Variants in PDE7B observed in about 807,000 individuals in gnomAD.
The protein encoded by PDE7B is phosphodiesterase 7B, also known as 3',5'-cyclic-AMP phosphodiesterase 7B.
Under a neutral mutation model 56.2 loss-of-function variants are expected in PDE7B, and 29 were observed. The observed-to-expected ratio is 0.52, with a 90% CI of 0.38 to 0.70. The LOEUF (loss-of-function observed/expected upper bound fraction) is 0.70. Ranked by LOEUF, PDE7B falls within the 30% of genes least tolerant of loss-of-function variation. PDE7B has a pLI of 0.00. For missense variants in PDE7B, 490 were observed against 565.0 expected, an observed-to-expected ratio of 0.87 and a Z score of 1.35; for synonymous variants, 197 against 196.9, an observed-to-expected ratio of 1.00 and a Z score of 0.00.
At chr6:135,870,216 A>G (rs1775350352) in intron 1 of PDE7B, among the ~76,000 whole-genome samples, 1 of 152,152 alleles carries the variant, frequency 6.6e-6, no homozygotes, top group African/African-American at 2.4e-5. Context: ...TACTATAGGA[A>G]TATAGGACCA....
At chr6:136,007,946 T>G (rs1373871508) in intron 2 of PDE7B, among the ~76,000 whole-genome samples, 1 of 152,054 alleles carries the variant, frequency 6.6e-6, no homozygotes, top group Non-Finnish European at 1.5e-5. Flanking sequence ...ACTCGTCATT[T>G]AACATTAGGT....
intron 2 of PDE7B, among the ~76,000 whole-genome samples, chr6:136,029,934 T>A (rs966391727): frequency 6.6e-6 from 1 of 152,200 alleles, no homozygotes; most frequent in African/African-American, 2.4e-5. Flanking sequence ...TACTACATGT[T>A]AAATGGCCAC....
intron 3 of PDE7B, among the ~76,000 whole-genome samples, chr6:136,118,068 T>G (rs575680079): frequency 1.3e-5 from 2 of 152,348 alleles, no homozygotes; most frequent in East Asian, 3.9e-4. Flanking sequence ...GAGATAAATG[T>G]GTCCAGAAGC....
rs779450231 is a variant in PDE7B, at chr6:136,191,631, G to A, written c.1144G>A (p.Val382Met). 16 of 1,613,852 alleles carry A rather than the reference G, an allele frequency of 9.9e-6. 1 individual carries two copies. In the South Asian group the frequency reaches 1.5e-4, roughly 16 times the overall value. The change falls in exon 13 of 13, where the codon GTG becomes ATG. Residue 382 changes from valine to methionine, a missense_variant. By Grantham distance (21) the Val-to-Met change is conservative (BLOSUM62 1). Transcript: ENST00000308191. The part of the protein sequence containing the change: ...SIQIGFMSYI[V>M]EPLFREWAHF... ...TGTTCTAGGTTTCATGAGCTACATC[G>A]TGGAGCCGCTCTTCCGGGAATGGGC...
At chr6:135,990,441 A>T (rs1386348005) in intron 2 of PDE7B, among the ~76,000 whole-genome samples, 1 of 152,110 alleles carries the variant, frequency 6.6e-6, no homozygotes, top group African/African-American at 2.4e-5. Context: ...ATGAATACTT[A>T]ATTTTGAAGA....
chr6:136,017,139 A>G (rs1401500400), intron 2 of PDE7B, among the ~76,000 whole-genome samples: 1 of 152,220 alleles, frequency 6.6e-6, no homozygotes, highest in Admixed American at 6.5e-5. Flanking sequence ...ATATCATCAT[A>G]AGGTCATTTA....
intron 2 of PDE7B, chr6:136,094,328 C>T (rs998653229): frequency 5.9e-5 from 9 of 152,596 alleles, no homozygotes; most frequent in Admixed American, 3.9e-4. Flanking sequence ...TTGTTAACTC[C>T]TTGCCCTCAT....
At chr6:136,097,915 A>G (rs1262436913) in intron 2 of PDE7B, 2 of 152,128 alleles carry the variant, frequency 1.3e-5, no homozygotes, top group Non-Finnish European at 2.9e-5. Flanking sequence ...GTGACCATGC[A>G]AGGTATGTTC....
intron 1 of PDE7B, among the ~76,000 whole-genome samples, chr6:135,924,412 A>G (rs1774145060): frequency 6.6e-6 from 1 of 152,160 alleles, no homozygotes; most frequent in African/African-American, 2.4e-5. Flanking sequence ...CAATTTCCCC[A>G]GAATGCCATA....
chr6:135,946,832 G>T (rs528749438), intron 1 of PDE7B, among the ~76,000 whole-genome samples: 4 of 152,054 alleles, frequency 2.6e-5, no homozygotes, highest in South Asian at 2.1e-4. Context: ...ATACAACTGT[G>T]GCCTGTTCTT....
chr6:135,876,845 A>G (rs1482600021), intron 1 of PDE7B, among the ~76,000 whole-genome samples: 1 of 150,316 alleles, frequency 6.7e-6, no homozygotes, highest in Non-Finnish European at 1.5e-5. Flanking sequence ...GGTGACAGTG[A>G]GAGACTCTGT....
chr6:136,037,931 A>G (rs1236318593), intron 2 of PDE7B: 2 of 1,184,012 alleles, frequency 1.7e-6, no homozygotes. Context: ...GCCTGGGATT[A>G]ATTAAGTGCT....
intron 3 of PDE7B, among the ~76,000 whole-genome samples, chr6:136,134,734 CAAAAAAAA>C (rs67667001): frequency 3.8e-4 from 35 of 91,270 alleles, no homozygotes; most frequent in African/African-American, 1.1e-3. Flanking sequence ...TTATGGTAGG[CAAAAAAAA>C]AAAAAAAAAA....
chr6:135,986,928 A>G (rs938508703), intron 2 of PDE7B, among the ~76,000 whole-genome samples: 1 of 152,162 alleles, frequency 6.6e-6, no homozygotes, highest in Non-Finnish European at 1.5e-5. Flanking sequence ...GTGAGAAGGG[A>G]AGACCTGATT....
chr6:136,016,570 T>C (rs944606809), intron 2 of PDE7B, among the ~76,000 whole-genome samples: 1 of 152,200 alleles, frequency 6.6e-6, no homozygotes, highest in Non-Finnish European at 1.5e-5. Context: ...AACTAAGTCT[T>C]GGGAGGCAAA....
intron 1 of PDE7B, among the ~76,000 whole-genome samples, chr6:135,882,600 C>T (rs986487685): frequency 6.6e-6 from 1 of 152,070 alleles, no homozygotes; most frequent in Admixed American, 6.6e-5. Context: ...GACTTTTTCC[C>T]TTGAGATTTC....
intron 1 of PDE7B, among the ~76,000 whole-genome samples, chr6:135,940,906 G>A (rs1012319213): frequency 4.6e-5 from 7 of 152,170 alleles, no homozygotes; most frequent in East Asian, 1.9e-4. Context: ...CATTGGGAGC[G>A]CCCATTATGC....
intron 1 of PDE7B, among the ~76,000 whole-genome samples, chr6:135,859,054 G>GGA (rs1775093491): frequency 6.7e-6 from 1 of 149,588 alleles, no homozygotes; most frequent in African/African-American, 2.5e-5. Context: ...TGGTTTTCCA[G>GGA]GAGAGAAAAA....
intron 2 of PDE7B, among the ~76,000 whole-genome samples, chr6:136,015,039 A>C (rs1775954283): frequency 1.3e-5 from 2 of 152,240 alleles, no homozygotes; most frequent in Non-Finnish European, 1.5e-5. Context: ...GTACGTGTGC[A>C]AGCACACAGA....
Sources: allele counts gnomAD v4.1 joint callset (sites outside exome capture counted in the v4.1 genomes callset), GRCh38; gene constraint gnomAD v4.1.1; transcripts MANE v1.5; gene names NCBI Gene and HGNC (gene_info 2026-07-23, HGNC 2026-07-21).